GRID2: variants seen among roughly 807,000 people sequenced by gnomAD.
The protein encoded by GRID2 is glutamate ionotropic receptor delta type subunit 2, also known as glutamate receptor ionotropic, delta-2.
Under a neutral mutation model 114.8 loss-of-function variants are expected in GRID2, and 33 were observed. That is an observed-to-expected ratio of 0.29 (90% confidence interval 0.22 to 0.38). The LOEUF (loss-of-function observed/expected upper bound fraction) is 0.38. GRID2 is among the 10% of genes least tolerant of loss of function. GRID2 has a pLI of 1.00. For missense variants in GRID2, 1,184 were observed against 1,257.7 expected (o/e 0.94, Z 0.89); for synonymous variants, 505 against 449.9 (o/e 1.12, Z -1.55).
intron 13 of GRID2, among the ~76,000 whole-genome samples, chr4:93,535,798 C>T (rs373245704): frequency 6.6e-6 from 1 of 151,860 alleles, no homozygotes; most frequent in Non-Finnish European, 1.5e-5. Flanking sequence ...TGGATATTAA[C>T]CCTTCATCAG....
intron 14 of GRID2, among the ~76,000 whole-genome samples, chr4:93,687,046 G>A (rs1319464220): frequency 6.6e-6 from 1 of 152,004 alleles, no homozygotes; most frequent in Non-Finnish European, 1.5e-5. Context: ...CCAGATGATA[G>A]ATGCTGTTAT....
At chr4:92,536,831 C>T (rs754607365) in intron 1 of GRID2, among the ~76,000 whole-genome samples, 4 of 151,998 alleles carry the variant, frequency 2.6e-5, no homozygotes, top group African/African-American at 7.3e-5. Context: ...TGTTAAGATG[C>T]GGTTTTCAAA....
At chr4:93,803,552 T>C (rs886764983) in intron 1 of GRID2, among the ~76,000 whole-genome samples, 12 of 151,814 alleles carry the variant, frequency 7.9e-5, no homozygotes, top group African/African-American at 2.9e-4. Context: ...TGAAACCGTG[T>C]CTCTACTAAA....
chr4:93,505,452 A>G (rs1289251374), intron 12 of GRID2, among the ~76,000 whole-genome samples: 1 of 151,788 alleles, frequency 6.6e-6, no homozygotes, highest in Non-Finnish European at 1.5e-5. Context: ...GTGTCTTGAG[A>G]TAAATAAGTA....
At chr4:93,076,971 T>G (rs1006871925) in intron 2 of GRID2, among the ~76,000 whole-genome samples, 1 of 152,176 alleles carries the variant, frequency 6.6e-6, no homozygotes, top group Non-Finnish European at 1.5e-5. Flanking sequence ...TCTTCTAGTA[T>G]GTAGCAGTCC....
chr4:93,455,856 G>A lies in GRID2; in HGVS notation c.1740G>A (p.Val580=). ...WACIAGTVLL[V]GLLVYLLNWL... ...GCATTGCTGGCACAGTCCTTCTGGTGGGTCTACTGGTCTACCTCTTGAACT... is the reference window on the plus strand; with the variant it reads ...GCATTGCTGGCACAGTCCTTCTGGTAGGTCTACTGGTCTACCTCTTGAACT... Residue 580 remains valine, a synonymous_variant, in exon 11 of 16, where the codon GTG becomes GTA. Transcript: ENST00000282020. The A allele has an allele frequency of 1.2e-6, 2 of 1,610,512 alleles. No individual in the cohort carries two copies.
rs747148973 is a variant in GRID2 at position 93,411,941 on chromosome 4, TA to T, written c.1348-10817del. Among the ~76,000 whole-genome samples, 1,353 of 138,416 alleles carry T rather than the reference TA, an allele frequency of 9.8e-3. 9 individuals carry two copies. The highest frequency in any genetic ancestry group is 0.012 in the Non-Finnish European group (748 of 63,544). The allele number at this position is 138,416 out of a possible 152,430, so 90.8% of individuals were successfully genotyped here. A position where few individuals can be genotyped will look rare whatever the true frequency, so the allele number is the denominator to read the frequency against. On this transcript the variant is annotated intron_variant, in intron 9 of 15. Transcript: ENST00000282020. ...CAGAGATATTTTTGAATCTCTCTAT[TA>T]AAAAAAAAAAAAGAAAAAAGAAAAA...
intron 8 of GRID2, among the ~76,000 whole-genome samples, chr4:93,357,322 A>G (rs987597585): frequency 4.0e-5 from 6 of 151,552 alleles, no homozygotes; most frequent in Non-Finnish European, 8.9e-5. Flanking sequence ...ATTTATGCAT[A>G]TTTTTCTTAT....
chr4:92,457,994 T>C (rs1721300071), intron 1 of GRID2, among the ~76,000 whole-genome samples: 1 of 152,244 alleles, frequency 6.6e-6, no homozygotes, highest in South Asian at 2.1e-4. Context: ...AGTAAGAGTT[T>C]ATGACATAAA....
intron 1 of GRID2, among the ~76,000 whole-genome samples, chr4:92,563,764 C>T (rs1175643575): frequency 6.6e-6 from 1 of 151,996 alleles, no homozygotes; most frequent in African/African-American, 2.4e-5. Context: ...TCAAATTAGT[C>T]AGATATTTTT....
chr4:92,973,953 C>T (rs1560759836), intron 2 of GRID2, among the ~76,000 whole-genome samples: 1 of 151,872 alleles, frequency 6.6e-6, no homozygotes, highest in African/African-American at 2.4e-5. Flanking sequence ...TGACAAAAGG[C>T]AAAATCCAAA....
chr4:93,162,108 T>C (rs1047077947), intron 4 of GRID2, among the ~76,000 whole-genome samples: 3 of 151,810 alleles, frequency 2.0e-5, no homozygotes, highest in Non-Finnish European at 4.4e-5. Context: ...ACTGTCATAG[T>C]GGAAAGCATC....
chr4:93,145,517 A>G (rs904092091), intron 4 of GRID2, among the ~76,000 whole-genome samples: 1 of 148,330 alleles, frequency 6.7e-6, no homozygotes, highest in Non-Finnish European at 1.5e-5. Flanking sequence ...GCTGGATTGC[A>G]ATGGTGTGAT....
At chr4:93,741,394 A>G (rs1731406588) in intron 14 of GRID2, among the ~76,000 whole-genome samples, 2 of 151,872 alleles carry the variant, frequency 1.3e-5, no homozygotes, top group Admixed American at 1.3e-4. Context: ...TCCTGCCAGC[A>G]TACTTCAACA....
intron 8 of GRID2, among the ~76,000 whole-genome samples, chr4:93,368,491 G>A (rs977367063): frequency 1.3e-5 from 2 of 151,858 alleles, no homozygotes; most frequent in African/African-American, 4.8e-5. Context: ...CTATGTTGGT[G>A]TACTGCACCC....
chr4:92,410,757 G>GA (rs776290001), intron 1 of GRID2, among the ~76,000 whole-genome samples: 10 of 149,494 alleles, frequency 6.7e-5, no homozygotes, highest in East Asian at 2.0e-4. Flanking sequence ...TCAGAATTCA[G>GA]AAAAAATTGT....
intron 4 of GRID2, among the ~76,000 whole-genome samples, chr4:93,153,736 T>A (rs1736928760): frequency 6.6e-6 from 1 of 152,104 alleles, no homozygotes; most frequent in African/African-American, 2.4e-5. Flanking sequence ...GAATTCCGGT[T>A]CTCCTTAATA....
chr4:92,316,459 A>G (rs1338466881), intron 1 of GRID2, among the ~76,000 whole-genome samples: 7 of 152,092 alleles, frequency 4.6e-5, no homozygotes, highest in Admixed American at 4.6e-4. Context: ...TATGACTCAA[A>G]TCTCATATTC....
intron 4 of GRID2, among the ~76,000 whole-genome samples, chr4:93,165,628 A>G (rs1420943628): frequency 6.6e-6 from 1 of 152,134 alleles, no homozygotes; most frequent in East Asian, 1.9e-4. Flanking sequence ...GAAGGCATGA[A>G]GCATGATGTT....
Sources: gnomAD v4.1 joint callset for allele counts (sites outside exome capture counted in the v4.1 genomes callset) on GRCh38, gnomAD v4.1.1 for gene constraint, MANE v1.5 for transcripts, NCBI Gene and HGNC (gene_info 2026-07-23, HGNC 2026-07-21) for gene names.